Variants in DNAH12 observed in about 807,000 individuals in gnomAD.
DNAH12 encodes dynein axonemal heavy chain 12.
In DNAH12, 285 loss-of-function variants were observed where a neutral mutation model predicts 371.5. The observed-to-expected ratio is 0.77, with a 90% CI of 0.70 to 0.85. The LOEUF (loss-of-function observed/expected upper bound fraction) is 0.85, where lower values mean the gene tolerates loss of function less well. Ranked by LOEUF, DNAH12 falls within the 40% of genes least tolerant of loss-of-function variation. The probability of loss-of-function intolerance (pLI) is 0.00; values close to 1 mark genes in which losing one functional copy is unlikely to be tolerated. For missense variants in DNAH12, 3,611 were observed against 3,689.4 expected, an observed-to-expected ratio of 0.98 and a Z score of 0.55; for synonymous variants, 1,200 against 1,213.0, an observed-to-expected ratio of 0.99 and a Z score of 0.22.
chr3:57,543,572 C>T (rs2069396933), intron 1 of DNAH12, among the ~76,000 whole-genome samples: 1 of 150,358 alleles, frequency 6.7e-6, no homozygotes, highest in South Asian at 2.1e-4. Context: ...TTTCCCGCCT[C>T]GGTCCCCCAA....
chr3:57,471,913 A>G (rs1244038374), intron 14 of DNAH12, among the ~76,000 whole-genome samples: 1 of 152,186 alleles, frequency 6.6e-6, no homozygotes, highest in East Asian at 1.9e-4. Context: ...ACTATTAAAT[A>G]TCTTACCTAT....
intron 13 of DNAH12, among the ~76,000 whole-genome samples, chr3:57,480,247 C>T (rs1009375351): frequency 5.3e-5 from 8 of 152,152 alleles, no homozygotes; most frequent in Non-Finnish European, 7.4e-5. Context: ...ATGTCACCAC[C>T]GATCCCACAG....
At chr3:57,472,707 G>A (rs912246673) in intron 13 of DNAH12, 36 bp from the exon 14 acceptor site, 1 of 1,528,224 alleles carries the variant, frequency 6.5e-7, no homozygotes, top group African/African-American at 1.4e-5. Flanking sequence ...ATGTCATATA[G>A]AAAATCTACA....
Position 57,377,796 on chromosome 3 carries a change from A to G in DNAH12, c.8224-574T>C, listed in dbSNP as rs1174934229. On this transcript the variant is annotated intron_variant, in intron 52 of 73. Coordinates refer to ENST00000495027, the MANE Select transcript of DNAH12 (RefSeq NM_001366028.2). ...TTGACTGAGAGAAAAGGGATTTCCTAAAGTTTTTTTGTTATGCTCATCAGG... is the reference window on the plus strand; with the variant it reads ...TTGACTGAGAGAAAAGGGATTTCCTGAAGTTTTTTTGTTATGCTCATCAGG... Among the ~76,000 whole-genome samples the G allele has an allele frequency of 2.6e-5, 4 of 152,268 alleles. No individual in the cohort carries two copies. In the East Asian group the frequency reaches 7.7e-4, roughly 29 times the overall value.
intron 58 of DNAH12, among the ~76,000 whole-genome samples, chr3:57,358,160 GC>G: frequency 6.6e-6 from 1 of 152,254 alleles, no homozygotes; most frequent in Non-Finnish European, 1.5e-5. Context: ...AAGAGGCAGG[GC>G]TAGAACCAGA....
At chr3:57,473,367 G>A (rs1347423985) in intron 13 of DNAH12, among the ~76,000 whole-genome samples, 2 of 151,926 alleles carry the variant, frequency 1.3e-5, no homozygotes, top group African/African-American at 4.8e-5. Flanking sequence ...CACGTCTGTA[G>A]TCCCAGCTAC....
chr3:57,435,667 T>A (rs1406157027), intron 30 of DNAH12, among the ~76,000 whole-genome samples: 3 of 151,734 alleles, frequency 2.0e-5, no homozygotes, highest in Non-Finnish European at 4.4e-5. Flanking sequence ...ACTTAAATAA[T>A]CCTTGGGAAC....
Position 57,542,725 on chromosome 3 carries a change from T to G in DNAH12, c.146A>C (p.Gln49Pro), listed in dbSNP as rs758338552. 7 of 1,602,786 alleles carry G rather than the reference T, an allele frequency of 4.4e-6. No individual in the cohort carries two copies. The highest frequency in any genetic ancestry group is 2.7e-5 in the African/African-American group (2 of 73,962). Residue 49 changes from glutamine (Q) to proline (P), a missense_variant, in exon 2 of 74, where the codon CAG becomes CCG. Coordinates refer to ENST00000495027, the MANE Select transcript of DNAH12 (RefSeq NM_001366028.2). ...CACTAACTGATTAATTTTCTGCTGC[T>G]GCTCCTTGGATCTTCTGTATTTTAG... ...KLLKYRRSKEQQQKINQLVID... is the reference protein window; with the variant it reads ...KLLKYRRSKEPQQKINQLVID...
rs1260941511 is a variant in DNAH12, at chr3:57,326,464, T to G, written c.9979-2845A>C. On this transcript the variant is annotated intron_variant, in intron 62 of 73. Coordinates refer to ENST00000495027, the MANE Select transcript of DNAH12 (RefSeq NM_001366028.2). ...ATTTCATATCCAGCCAAACTAAGCT[T>G]CAGAAGTGAAGGAGAAATAAAACAC... Among the ~76,000 whole-genome samples, 7 of 152,200 alleles carry G rather than the reference T, an allele frequency of 4.6e-5. No individual in the cohort carries two copies. The South Asian group carries it at 1.0e-3, about 23-fold the overall frequency.
rs1378974730 is a variant in DNAH12 at position 57,421,661 on chromosome 3, CACA to C, written c.5416_5418del (p.Cys1806del). 20 of 1,551,504 alleles carry C rather than the reference CACA, an allele frequency of 1.3e-5. No individual in the cohort carries two copies. The highest frequency in any genetic ancestry group is 1.7e-5 in the Non-Finnish European group (20 of 1,146,976). On this transcript the variant is annotated inframe_deletion, in exon 36 of 74. Coordinates refer to ENST00000495027, the MANE Select transcript of DNAH12 (RefSeq NM_001366028.2). Reference sequence around the variant, plus strand: ...TCAAAAACACGACGGCCATCTGTATCACAACTTCCTCCAATCGACCAAATCAAA... The same window carrying C: ...TCAAAAACACGACGGCCATCTGTATCACTTCCTCCAATCGACCAAATCAAA...
intron 62 of DNAH12, among the ~76,000 whole-genome samples, chr3:57,325,516 T>C (rs973511379): frequency 2.6e-5 from 4 of 152,186 alleles, no homozygotes; most frequent in African/African-American, 9.7e-5. Context: ...GAGGGTCCTG[T>C]CTGTCAGAAG....
chr3:57,479,374 T>C (rs544998794), intron 13 of DNAH12, among the ~76,000 whole-genome samples: 9 of 152,012 alleles, frequency 5.9e-5, no homozygotes, highest in Non-Finnish European at 4.4e-5. Flanking sequence ...GAGCTAACTA[T>C]CCTAAATATA....
At chr3:57,373,526 A>G (rs2063220755) in intron 55 of DNAH12, among the ~76,000 whole-genome samples, 1 of 148,730 alleles carries the variant, frequency 6.7e-6, no homozygotes. Context: ...GGGTTTCACC[A>G]TATTGACCAG....
chr3:57,470,966 C>T (rs933988824), intron 15 of DNAH12, among the ~76,000 whole-genome samples: 1 of 152,150 alleles, frequency 6.6e-6, no homozygotes, highest in Admixed American at 6.5e-5. Flanking sequence ...CTCAAACTCC[C>T]AAAGTGCTAG....
At chr3:57,366,409 C>T (rs1306924180) in intron 57 of DNAH12, among the ~76,000 whole-genome samples, 1 of 152,074 alleles carries the variant, frequency 6.6e-6, no homozygotes, top group Non-Finnish European at 1.5e-5. Flanking sequence ...AATAAACTTG[C>T]TTTCATTATA....
the DNAH12 span, among the ~76,000 whole-genome samples, chr3:57,555,927 C>T: frequency 3.3e-5 from 5 of 152,330 alleles, no homozygotes; most frequent in East Asian, 7.7e-4. Context: ...CGGGTGGAGG[C>T]CTCCACGTCC....
At chr3:57,363,889 G>A (rs2062991392) in intron 57 of DNAH12, 103 bp from the exon 58 acceptor site, 1 of 152,120 alleles carries the variant, frequency 6.6e-6, no homozygotes, top group Non-Finnish European at 1.5e-5. Flanking sequence ...ACAAACTAAG[G>A]TGGTTAATTG....
At chr3:57,375,262 G>C (rs1286950591) in intron 55 of DNAH12, 109 bp downstream of exon 55, 1 of 152,142 alleles carries the variant, frequency 6.6e-6, no homozygotes, top group Non-Finnish European at 1.5e-5. Context: ...GCAGAATCTA[G>C]GAGGTGGTAG....
chr3:57,372,860 A>C (rs1022261971), intron 55 of DNAH12, among the ~76,000 whole-genome samples: 8 of 152,194 alleles, frequency 5.3e-5, no homozygotes, highest in African/African-American at 7.2e-5. Flanking sequence ...TGTATCAATA[A>C]TTCCACTAAA....
Sources: allele counts gnomAD v4.1 joint callset (sites outside exome capture counted in the v4.1 genomes callset), GRCh38; gene constraint gnomAD v4.1.1; transcripts MANE v1.5; gene names NCBI Gene and HGNC (gene_info 2026-07-23, HGNC 2026-07-21).